The following SORCS2 variants were observed in gnomAD, a reference collection of about 807,000 sequenced individuals.
The protein encoded by SORCS2 is sortilin related VPS10 domain containing receptor 2, also known as VPS10 domain-containing receptor SorCS2.
Under a neutral mutation model 141.6 loss-of-function variants are expected in SORCS2, and 100 were observed. The observed-to-expected ratio is 0.71, with a 90% CI of 0.60 to 0.83. The LOEUF (loss-of-function observed/expected upper bound fraction) is 0.83, where lower values mean the gene tolerates loss of function less well. Among genes scored for constraint, SORCS2 ranks in the 40% least tolerant of loss-of-function variants. SORCS2 has a pLI of 0.00. For synonymous variants in SORCS2, 789 were observed against 676.9 expected (o/e 1.17, Z -2.57); for missense variants, 1,646 against 1,560.2 (o/e 1.05, Z -0.93).
At chr4:7,513,145 C>T (rs938411515) in intron 2 of SORCS2, among the ~76,000 whole-genome samples, 12 of 152,212 alleles carry the variant, frequency 7.9e-5, no homozygotes, top group East Asian at 1.9e-4. Flanking sequence ...CAAGTCCTTT[C>T]GCCTCTCTGA....
chr4:7,198,988 C>T (rs756027498), intron 1 of SORCS2, among the ~76,000 whole-genome samples: 4 of 152,202 alleles, frequency 2.6e-5, no homozygotes, highest in South Asian at 2.1e-4. Context: ...GAACCCTCCA[C>T]GTGGCCTCAT....
intron 3 of SORCS2, among the ~76,000 whole-genome samples, chr4:7,566,065 T>C (rs1465801937): frequency 1.3e-5 from 2 of 148,622 alleles, no homozygotes; most frequent in Non-Finnish European, 3.0e-5. Flanking sequence ...ATGATGATGA[T>C]GGTGATGACG....
At chr4:7,494,278 G>C (rs546330830) in intron 2 of SORCS2, among the ~76,000 whole-genome samples, 1 of 152,240 alleles carries the variant, frequency 6.6e-6, no homozygotes, top group Non-Finnish European at 1.5e-5. Context: ...TGATCGAGCT[G>C]TTTCCCGGTG....
rs202066398 is a variant in SORCS2, at chr4:7,640,128, AGT to A, written c.813+1640_813+1641del. Among the ~76,000 whole-genome samples the A allele has an allele frequency of 7.8e-3, 1,160 of 149,624 alleles. 6 individuals are homozygous for A. Among genetic ancestry groups the A allele is most frequent in the Middle Eastern group, 0.017 (5 of 286 alleles). On this transcript the variant is annotated intron_variant, in intron 4 of 26. Transcript: ENST00000507866. ...GTGTGTGTAAGAAGCTATGTTAGCG[AGT>A]GTGAGTGTACATGAGTGTGTGGTGT...
intron 1 of SORCS2, among the ~76,000 whole-genome samples, chr4:7,271,180 C>A (rs977710626): frequency 1.3e-5 from 2 of 152,214 alleles, no homozygotes; most frequent in Non-Finnish European, 2.9e-5. Flanking sequence ...TGCCCAGCAG[C>A]AGCCAGAAGG....
At chr4:7,238,417 G>A (rs1407380957) in intron 1 of SORCS2, among the ~76,000 whole-genome samples, 3 of 152,186 alleles carry the variant, frequency 2.0e-5, no homozygotes, top group Non-Finnish European at 2.9e-5. Context: ...CATGCTGCTG[G>A]TAGGGCTCCT....
At chr4:7,556,216 G>A (rs1442468676) in intron 3 of SORCS2, among the ~76,000 whole-genome samples, 2 of 152,204 alleles carry the variant, frequency 1.3e-5, no homozygotes, top group Admixed American at 1.3e-4. Flanking sequence ...AATGGGGAGA[G>A]TGGAGTTCCC....
At chr4:7,336,747 C>T (rs1475219455) in intron 1 of SORCS2, among the ~76,000 whole-genome samples, 1 of 151,984 alleles carries the variant, frequency 6.6e-6, no homozygotes, top group Non-Finnish European at 1.5e-5. Flanking sequence ...TTGGGTGAGC[C>T]GTGCCCAGAC....
intron 1 of SORCS2, among the ~76,000 whole-genome samples, chr4:7,292,149 G>A (rs940831032): frequency 2.6e-5 from 4 of 152,246 alleles, no homozygotes; most frequent in Non-Finnish European, 2.9e-5. Flanking sequence ...CTGGGTTGCC[G>A]CTTCACAGTC....
intron 1 of SORCS2, among the ~76,000 whole-genome samples, chr4:7,249,527 T>C (rs926926792): frequency 6.6e-6 from 1 of 152,160 alleles, no homozygotes; most frequent in Non-Finnish European, 1.5e-5. Context: ...TATCAGAGAA[T>C]TTGTGGCCAT....
intron 4 of SORCS2, 37 bp downstream of exon 4, chr4:7,638,529 G>T: frequency 6.3e-7 from 1 of 1,578,236 alleles, no homozygotes; most frequent in Non-Finnish European, 8.6e-7. Flanking sequence ...GGTCTGTGGG[G>T]CTGGGGTCTG....
At chr4:7,628,514 G>A (rs142107406) in intron 3 of SORCS2, among the ~76,000 whole-genome samples, 2,031 of 119,538 alleles carry the variant, frequency 0.017, 44 homozygotes, top group African/African-American at 0.052. Flanking sequence ...GTGAGACTCC[G>A]TCTCGAAAAA....
chr4:7,314,800 GTTTTTT>G (rs397880294), intron 1 of SORCS2, among the ~76,000 whole-genome samples: 316 of 109,820 alleles, frequency 2.9e-3, no homozygotes, highest in African/African-American at 9.9e-3. Context: ...CCACTGTTCT[GTTTTTT>G]TTTTTTTTTT....
At chr4:7,208,740 A>G (rs371146161) in intron 1 of SORCS2, among the ~76,000 whole-genome samples, 4 of 152,252 alleles carry the variant, frequency 2.6e-5, no homozygotes, top group African/African-American at 4.8e-5. Flanking sequence ...TCTCCTGCTC[A>G]CCAGGCACCC....
chr4:7,584,906 G>T (rs899659258), intron 3 of SORCS2, among the ~76,000 whole-genome samples: 8 of 152,168 alleles, frequency 5.3e-5, no homozygotes, highest in Admixed American at 5.2e-4. Context: ...TAGGCTCTGG[G>T]GGATGTCAAA....
intron 21 of SORCS2, 90 bp downstream of exon 21, chr4:7,726,993 T>G: frequency 9.1e-6 from 13 of 1,434,778 alleles, no homozygotes; most frequent in East Asian, 7.9e-5. Context: ...AAGCCATGGA[T>G]GTCCTGGTCA....
chr4:7,398,177 C>A (rs1478430331), intron 2 of SORCS2, among the ~76,000 whole-genome samples: 1 of 152,200 alleles, frequency 6.6e-6, no homozygotes, highest in Non-Finnish European at 1.5e-5. Context: ...TGGGGTGGGA[C>A]TGACTGTGTC....
chr4:7,600,567 C>T (rs1717590744), intron 3 of SORCS2, among the ~76,000 whole-genome samples: 1 of 152,016 alleles, frequency 6.6e-6, no homozygotes, highest in Non-Finnish European at 1.5e-5. Context: ...CTGTGCTCCT[C>T]TGGGGAAACC....
chr4:7,518,027 G>T (rs1191934290), intron 2 of SORCS2, among the ~76,000 whole-genome samples: 1 of 152,214 alleles, frequency 6.6e-6, no homozygotes, highest in African/African-American at 2.4e-5. Context: ...GTCTGTGTGT[G>T]CCTTGTAACT....
Sources: allele counts gnomAD v4.1 joint callset (sites outside exome capture counted in the v4.1 genomes callset), GRCh38; gene constraint gnomAD v4.1.1; transcripts MANE v1.5; gene names NCBI Gene and HGNC (gene_info 2026-07-23, HGNC 2026-07-21).